LZTFL1: variants seen among roughly 807,000 people sequenced by gnomAD.
LZTFL1 encodes leucine zipper transcription factor like 1.
A neutral mutation model predicts 45.9 loss-of-function variants in LZTFL1; 25 were observed. The observed-to-expected ratio is 0.54, with a 90% CI of 0.40 to 0.76. The LOEUF (loss-of-function observed/expected upper bound fraction) is 0.76. Ranked by LOEUF, LZTFL1 falls within the 30% of genes least tolerant of loss-of-function variation. The pLI, the probability that LZTFL1 is intolerant of heterozygous loss-of-function variation, is 0.00. For missense variants in LZTFL1, 277 were observed against 331.1 expected (o/e 0.84, Z 1.27); for synonymous variants, 93 against 117.4 (o/e 0.79, Z 1.35).
At chr3:45,863,590 G>A (rs1409471047) in intron 2 of LZTFL1, among the ~76,000 whole-genome samples, 16 of 152,190 alleles carry the variant, frequency 1.1e-4, no homozygotes, top group Admixed American at 8.5e-4. Context: ...CATGAATTCC[G>A]ATGTCACAGC....
intron 2 of LZTFL1, among the ~76,000 whole-genome samples, chr3:45,897,132 T>A (rs1247000163): frequency 6.6e-6 from 1 of 152,298 alleles, no homozygotes; most frequent in East Asian, 1.9e-4. Context: ...CCCCTTGCCC[T>A]GGCTGTGCAC....
chr3:45,884,308 C>T (rs1284406033), intron 2 of LZTFL1, among the ~76,000 whole-genome samples: 1 of 152,140 alleles, frequency 6.6e-6, no homozygotes, highest in Non-Finnish European at 1.5e-5. Context: ...AGGAATGGAC[C>T]TAAACTAGAT....
In LZTFL1 at chr3:45,823,829, A is replaced by AT. The variant is rs1700599515; in HGVS notation, c.*2484dup. 6.6e-6 allele frequency: 1 copy of AT among 152,206 alleles called. No homozygotes were observed. Among genetic ancestry groups the AT allele is most frequent in the Admixed American group, 6.5e-5 (1 of 15,282 alleles). 9.4% of individuals were successfully genotyped at this position (152,206 alleles called of 1,614,324 possible). A position where few individuals can be genotyped will look rare whatever the true frequency, so the allele number is the denominator to read the frequency against. On this transcript the variant is annotated 3_prime_UTR_variant, in exon 10 of 10. Coordinates refer to ENST00000296135, the MANE Select transcript of LZTFL1 (RefSeq NM_020347.4). ...AATGCCAAACTTTTGCAACCAATAT[A>AT]TATCTAAAAGCACCAAGGGCTTAAA...
At chr3:45,913,088 A>C in intron 2 of LZTFL1, 1 of 1,532,276 alleles carries the variant, frequency 6.5e-7, no homozygotes, top group Non-Finnish European at 8.7e-7. Context: ...ACGCAGTAGC[A>C]GTAATATGTT....
intron 1 of LZTFL1, 139 bp from the exon 2 acceptor site, chr3:45,838,190 T>A: frequency 1.1e-6 from 1 of 898,160 alleles, no homozygotes; most frequent in Non-Finnish European, 1.6e-6. Context: ...CCTGGCTGCA[T>A]GGCTGCCCAC....
At chr3:45,892,630 G>C (rs1220714974) in intron 2 of LZTFL1, among the ~76,000 whole-genome samples, 2 of 152,110 alleles carry the variant, frequency 1.3e-5, no homozygotes, top group African/African-American at 4.8e-5. Context: ...TTATTAACCT[G>C]GGTGGCGAAA....
In LZTFL1 at chr3:45,828,619, T is replaced by G; in HGVS notation, c.601-4A>C. ...AGTCTTGGGCCTTTATAAAATCCTA[T>G]GAAAAATAAATGCATGCATGTAATT... On this transcript the variant is annotated splice_region_variant and splice_polypyrimidine_tract_variant and intron_variant, in intron 7 of 9. Coordinates refer to ENST00000296135, the MANE Select transcript of LZTFL1 (RefSeq NM_020347.4). 6.3e-7 allele frequency: 1 copy of G among 1,599,976 alleles called. No individual in the cohort carries two copies. Among genetic ancestry groups the G allele is most frequent in the South Asian group, 1.1e-5 (1 of 88,894 alleles).
intron 4 of LZTFL1, among the ~76,000 whole-genome samples, chr3:45,851,794 G>A (rs1473530305): frequency 6.6e-6 from 1 of 151,694 alleles, no homozygotes; most frequent in Non-Finnish European, 1.5e-5. Flanking sequence ...GCTGAAGTGA[G>A]CCATGATCAC....
In LZTFL1 at chr3:45,826,185, A is replaced by G; in HGVS notation, c.*129T>C. The G allele has an allele frequency of 1.2e-6, 1 of 812,498 alleles. No individual in the cohort carries two copies. Among genetic ancestry groups the G allele is most frequent in the Non-Finnish European group, 2.0e-6 (1 of 494,914 alleles). 50.3% of individuals were successfully genotyped at this position (812,498 alleles called of 1,614,324 possible). On this transcript the variant is annotated 3_prime_UTR_variant, in exon 10 of 10. Transcript: ENST00000296135. ...AGCTGAAAATAGGAACTCTAGTTCTAAATATTCAAAGTCTAAATATTAGAA... is the reference window on the plus strand; with the variant it reads ...AGCTGAAAATAGGAACTCTAGTTCTGAATATTCAAAGTCTAAATATTAGAA...
At chr3:45,877,184 G>A (rs1701761209) in intron 2 of LZTFL1, among the ~76,000 whole-genome samples, 1 of 151,802 alleles carries the variant, frequency 6.6e-6, no homozygotes. Context: ...TTTCCAGTAG[G>A]GCTTCTCAGA....
At chr3:45,871,386 A>G (rs1701668381) in intron 2 of LZTFL1, among the ~76,000 whole-genome samples, 1 of 152,208 alleles carries the variant, frequency 6.6e-6, no homozygotes, top group Non-Finnish European at 1.5e-5. Flanking sequence ...TCATTTGCCT[A>G]TTTGAAGGGT....
At chr3:45,864,669 A>T (rs1701550374) in intron 2 of LZTFL1, among the ~76,000 whole-genome samples, 1 of 152,232 alleles carries the variant, frequency 6.6e-6, no homozygotes, top group Non-Finnish European at 1.5e-5. Context: ...AATAAGTACC[A>T]TTTAATGTAG....
chr3:45,878,877 G>A (rs935838524), intron 2 of LZTFL1, among the ~76,000 whole-genome samples: 1 of 152,178 alleles, frequency 6.6e-6, no homozygotes, highest in Admixed American at 6.5e-5. Context: ...TCAGGAGTTC[G>A]AGATACTTCA....
intron 2 of LZTFL1, among the ~76,000 whole-genome samples, chr3:45,908,565 G>A (rs1006541115): frequency 1.3e-5 from 2 of 152,148 alleles, no homozygotes; most frequent in African/African-American, 4.8e-5. Context: ...GCCAGGGAAG[G>A]CGTCCCTGAG....
chr3:45,878,511 A>G (rs1575284521), intron 2 of LZTFL1, among the ~76,000 whole-genome samples: 1 of 150,446 alleles, frequency 6.6e-6, no homozygotes, highest in Non-Finnish European at 1.5e-5. Context: ...AGGCTGGGGG[A>G]TGGGGCCCAT....
intron 9 of LZTFL1, among the ~76,000 whole-genome samples, chr3:45,826,855 C>T (rs530884139): frequency 2.0e-5 from 3 of 152,350 alleles, no homozygotes; most frequent in African/African-American, 4.8e-5. Flanking sequence ...TTTAACTGGA[C>T]ATACCCTTAA....
chr3:45,866,614 A>C (rs1209248427), intron 2 of LZTFL1, among the ~76,000 whole-genome samples: 1 of 152,202 alleles, frequency 6.6e-6, no homozygotes, highest in Non-Finnish European at 1.5e-5. Context: ...GGGCTTTTTC[A>C]TGTCACTAAA....
chr3:45,894,763 A>G, intron 2 of LZTFL1: 1 of 656,084 alleles, frequency 1.5e-6, no homozygotes, highest in Non-Finnish European at 2.7e-6. Flanking sequence ...AATCTAGAAT[A>G]CTATATAGAC....
chr3:45,839,007 C>T (rs1261548082), intron 1 of LZTFL1, among the ~76,000 whole-genome samples: 1 of 152,224 alleles, frequency 6.6e-6, no homozygotes, highest in South Asian at 2.1e-4. Flanking sequence ...CTGATAGTCA[C>T]ACATTAGTAT....
Sources: gnomAD v4.1 joint callset for allele counts (sites outside exome capture counted in the v4.1 genomes callset) on GRCh38, gnomAD v4.1.1 for gene constraint, MANE v1.5 for transcripts, NCBI Gene and HGNC (gene_info 2026-07-23, HGNC 2026-07-21) for gene names.